Variants in SFI1 observed in about 807,000 individuals in gnomAD.
SFI1 encodes SFI1 centrin binding protein.
A neutral mutation model predicts 207.5 loss-of-function variants in SFI1; 195 were observed. That is an observed-to-expected ratio of 0.94 (90% CI 0.84 to 1.06). SFI1 has a LOEUF of 1.06. Among genes scored for constraint, SFI1 ranks in the 50% least tolerant of loss-of-function variants. The pLI, the probability that SFI1 is intolerant of heterozygous loss-of-function variation, is 0.00. For missense variants in SFI1, 1,634 were observed against 1,588.0 expected (o/e 1.03, Z -0.49); for synonymous variants, 630 against 598.9 (o/e 1.05, Z -0.76).
At chr22:31,548,767 C>T (rs2060344061) in intron 5 of SFI1, among the ~76,000 whole-genome samples, 1 of 151,700 alleles carries the variant, frequency 6.6e-6, no homozygotes, top group Non-Finnish European at 1.5e-5. Flanking sequence ...CAAGATCATG[C>T]CACTGCACTC....
chr22:31,606,901 T>C (rs761782227), intron 21 of SFI1, among the ~76,000 whole-genome samples: 1 of 152,012 alleles, frequency 6.6e-6, no homozygotes, highest in Non-Finnish European at 1.5e-5. Context: ...TTTCACCACA[T>C]TGGCTAGGCT....
intron 9 of SFI1, among the ~76,000 whole-genome samples, chr22:31,573,599 G>A (rs192060339): frequency 2.0e-5 from 3 of 151,966 alleles, no homozygotes; most frequent in Admixed American, 6.6e-5. Context: ...CACCTCGCCC[G>A]GCTAATTTTT....
At chr22:31,604,790 T>C in intron 19 of SFI1, 79 bp from the exon 20 acceptor site, 1 of 1,310,688 alleles carries the variant, frequency 7.6e-7, no homozygotes, top group Non-Finnish European at 1.1e-6. Flanking sequence ...AGCCTTGTGG[T>C]AGATGCACCT....
rs566183799 is a variant in SFI1 at position 31,559,624 on chromosome 22, T to C, written c.663-1666T>C. On this transcript the variant is annotated intron_variant, in intron 7 of 32. Coordinates refer to ENST00000400288, the MANE Select transcript of SFI1 (RefSeq NM_001007467.3). ...GTACACTCATAGTGTTGAGGAAAGC[T>C]GACGTTGACCTCACCAAGTGGGCAG... The C allele has an allele frequency of 1.3e-3, 915 of 701,134 alleles. 3 individuals are homozygous for C. The highest frequency in any genetic ancestry group is 2.0e-3 in the Non-Finnish European group (764 of 378,064). The allele number at this position is 701,134 out of a possible 1,614,324, so 43.4% of individuals were successfully genotyped here.
chr22:31,506,792 C>T (rs925240171), intron 1 of SFI1, among the ~76,000 whole-genome samples: 2 of 152,122 alleles, frequency 1.3e-5, no homozygotes, highest in South Asian at 4.1e-4. Context: ...CCTAGGAATA[C>T]AGCTAACAAG....
At position 31,615,243 on chromosome 22, in the gene SFI1, C is replaced by T; in HGVS notation, c.3264C>T (p.Ser1088=). The T allele has an allele frequency of 3.9e-6, 6 of 1,525,800 alleles. No individual in the cohort carries two copies. The highest frequency in any genetic ancestry group is 5.2e-6 in the Non-Finnish European group (6 of 1,144,558). The allele number at this position is 1,525,800 out of a possible 1,614,324, so 94.5% of individuals were successfully genotyped here. A position where few individuals can be genotyped will look rare whatever the true frequency, so the allele number is the denominator to read the frequency against. The stretch of plus-strand genomic sequence containing the variant: ...CGGAGCTGCTGCTGCTGCCTCTTTC[C>T]TCCTTCATGCCCTGCGGGGCGGCTG... ...TGPELLLLPL[S]SFMPCGAAAP... Residue 1088 remains serine (S), a synonymous_variant, in exon 29 of 33, where the codon TCC becomes TCT. Coordinates refer to ENST00000400288, the MANE Select transcript of SFI1 (RefSeq NM_001007467.3).
chr22:31,553,201 G>C lies in SFI1; in HGVS notation c.544+2853G>C, dbSNP rs141676467. On this transcript the variant is annotated intron_variant, in intron 6 of 32. Transcript: ENST00000400288. Reference sequence around the variant, plus strand: ...AAGATGATATCTCATTGTGGTTTTAGTTTGCATTTCTCTGATAATTAGTGA... The same window carrying C: ...AAGATGATATCTCATTGTGGTTTTACTTTGCATTTCTCTGATAATTAGTGA... Among the ~76,000 whole-genome samples the C allele has an allele frequency of 3.1e-3, 478 of 152,160 alleles. 3 individuals are homozygous for C. The highest frequency in any genetic ancestry group is 9.6e-3 in the African/African-American group (397 of 41,506).
intron 1 of SFI1, among the ~76,000 whole-genome samples, chr22:31,498,122 G>A (rs892239192): frequency 1.6e-4 from 24 of 152,228 alleles, no homozygotes; most frequent in Middle Eastern, 3.4e-3. Flanking sequence ...GTGAAACCCC[G>A]TCTCAACTAA....
chr22:31,497,106 C>T (rs1342878979), intron 1 of SFI1: 1 of 152,208 alleles, frequency 6.6e-6, no homozygotes, highest in East Asian at 1.9e-4. Flanking sequence ...GGAAGCCTTC[C>T]CCGCGTGGGA....
At chr22:31,503,201 CAG>C (rs1366468879) in intron 1 of SFI1, among the ~76,000 whole-genome samples, 2 of 152,048 alleles carry the variant, frequency 1.3e-5, no homozygotes, top group Non-Finnish European at 2.9e-5. Flanking sequence ...GCACAGGTCT[CAG>C]AATCTGGAGA....
In SFI1 at chr22:31,613,800, CGGCCTCTGGGAGCTCTG is replaced by C; in HGVS notation, c.2946_2962del (p.Leu983ProfsTer4). The C allele has an allele frequency of 6.2e-7, 1 of 1,611,496 alleles. No individual in the cohort carries two copies. Among genetic ancestry groups the C allele is most frequent in the Non-Finnish European group, 8.5e-7 (1 of 1,179,352 alleles). ...TGAGACCAAGAGGCCACAGGCTTCT[CGGCCTCTGGGAGCTCTG>C]GGCCGCCTGGCTGCTGAGGAGCCCC... On this transcript the variant is annotated frameshift_variant, in exon 27 of 33. Transcript: ENST00000400288. LOFTEE classifies it high-confidence loss of function.
At chr22:31,571,159 G>A (rs2062906948) in intron 8 of SFI1, among the ~76,000 whole-genome samples, 1 of 152,156 alleles carries the variant, frequency 6.6e-6, no homozygotes, top group Admixed American at 6.5e-5. Context: ...TGCTTTGTTT[G>A]TTTAAGAATC....
intron 21 of SFI1, 66 bp downstream of exon 21, chr22:31,606,496 G>A: frequency 1.5e-6 from 2 of 1,321,766 alleles, no homozygotes; most frequent in Non-Finnish European, 2.2e-6. Context: ...GAGGGCGTGG[G>A]ATGTAGGGGG....
At chr22:31,551,783 T>C (rs2060647743) in intron 6 of SFI1, among the ~76,000 whole-genome samples, 1 of 152,198 alleles carries the variant, frequency 6.6e-6, no homozygotes, top group Admixed American at 6.6e-5. Flanking sequence ...GGCTGTGCCA[T>C]TTTGCATTCC....
intron 2 of SFI1, among the ~76,000 whole-genome samples, chr22:31,511,428 T>C (rs2055497273): frequency 6.6e-6 from 1 of 151,660 alleles, no homozygotes; most frequent in Non-Finnish European, 1.5e-5. Flanking sequence ...GGCCTTAATA[T>C]GAAGCTCTGT....
rs752333184 is a variant in SFI1 at position 31,616,782 on chromosome 22, C to T, written c.3338C>T (p.Pro1113Leu). ...AQRATPRDKP[P>L]VPSSLASVPD... is the part of the protein sequence containing the mutation. ...CGGGCTACTCCTAGGGATAAGCCCC[C>T]GGTCCCCTCATCCCTGGCCAGTGTC... is the stretch of plus-strand genomic sequence containing the variant. Residue 1113 changes from proline to leucine, a missense_variant, in exon 30 of 33, where the codon CCG (proline) becomes CTG (leucine). Coordinates refer to ENST00000400288, the MANE Select transcript of SFI1 (RefSeq NM_001007467.3). The T allele has an allele frequency of 3.4e-5, 55 of 1,595,128 alleles. No individual in the cohort carries two copies. Among genetic ancestry groups the T allele is most frequent in the South Asian group, 1.1e-4 (10 of 88,024 alleles).
At position 31,607,932 on chromosome 22, in the gene SFI1, C is replaced by T; in HGVS notation, c.2158-5C>T. On this transcript the variant is annotated splice_polypyrimidine_tract_variant and splice_region_variant and intron_variant, in intron 21 of 32. Coordinates refer to ENST00000400288, the MANE Select transcript of SFI1 (RefSeq NM_001007467.3). ...ACTCTTGCTGTGCTCCTTGCCTGCC[C>T]ATAGGTCCTGGTCCAGTGGCGGGAA... 1 of 1,613,510 alleles carries T rather than the reference C, an allele frequency of 6.2e-7. No homozygotes were observed. Among genetic ancestry groups the T allele is most frequent in the Non-Finnish European group, 8.5e-7 (1 of 1,179,548 alleles).
At chr22:31,589,387 A>T in intron 14 of SFI1, 60 bp from the exon 15 acceptor site, 4 of 1,404,954 alleles carry the variant, frequency 2.8e-6, no homozygotes, top group Non-Finnish European at 2.8e-6. Flanking sequence ...TGTGACCCTG[A>T]GAGGTCATGT....
chr22:31,559,657 C>T (rs1193777791), intron 7 of SFI1: 2 of 735,918 alleles, frequency 2.7e-6, no homozygotes, highest in Non-Finnish European at 5.0e-6. Context: ...CAGGAGAACT[C>T]ACTGAGGATG....
Sources: gnomAD v4.1 joint callset for allele counts (sites outside exome capture counted in the v4.1 genomes callset) on GRCh38, gnomAD v4.1.1 for gene constraint, MANE v1.5 for transcripts, NCBI Gene and HGNC (gene_info 2026-07-23, HGNC 2026-07-21) for gene names.